PTPRR: variants seen among roughly 807,000 people sequenced by gnomAD.
PTPRR encodes the protein receptor-type tyrosine-protein phosphatase R.
A neutral mutation model predicts 77.2 loss-of-function variants in PTPRR; 38 were observed. The ratio of observed to expected loss-of-function variants is 0.49; its 90% CI spans 0.38 to 0.65. PTPRR has a LOEUF of 0.65. PTPRR is among the 30% of genes least tolerant of loss of function. PTPRR has a pLI of 0.00. For missense variants in PTPRR, 744 were observed against 799.2 expected (o/e 0.93, Z 0.83); for synonymous variants, 299 against 283.1 (o/e 1.06, Z -0.57).
chr12:70,734,932 C>T (rs1212144103), intron 6 of PTPRR, among the ~76,000 whole-genome samples: 1 of 152,186 alleles, frequency 6.6e-6, no homozygotes, highest in African/African-American at 2.4e-5. Context: ...TTTCACTTAA[C>T]AAGATTACAT....
At chr12:70,720,207 C>T (rs967248243) in intron 6 of PTPRR, among the ~76,000 whole-genome samples, 2 of 152,136 alleles carry the variant, frequency 1.3e-5, no homozygotes, top group African/African-American at 4.8e-5. Flanking sequence ...TAGAAACAAG[C>T]GTGAGATCTG....
At chr12:70,773,666 G>C (rs1026908256) in intron 2 of PTPRR, among the ~76,000 whole-genome samples, 3 of 152,136 alleles carry the variant, frequency 2.0e-5, no homozygotes, top group Non-Finnish European at 2.9e-5. Flanking sequence ...TTCTGTTCCA[G>C]GTTAATTTCT....
At chr12:70,842,525 G>A (rs1892414311) in intron 2 of PTPRR, among the ~76,000 whole-genome samples, 1 of 152,186 alleles carries the variant, frequency 6.6e-6, no homozygotes, top group African/African-American at 2.4e-5. Flanking sequence ...CCCCAAAAAT[G>A]GAGAATCTGT....
At chr12:70,871,756 T>G (rs539425501) in intron 2 of PTPRR, among the ~76,000 whole-genome samples, 1 of 152,356 alleles carries the variant, frequency 6.6e-6, no homozygotes, top group African/African-American at 2.4e-5. Context: ...AAGACTTTAA[T>G]CATCTCTGAT....
In PTPRR at chr12:70,815,074, C is replaced by T. The variant is rs75951952; in HGVS notation, c.358-50296G>A. On this transcript the variant is annotated intron_variant, in intron 2 of 13. Coordinates refer to ENST00000283228, the MANE Select transcript of PTPRR (RefSeq NM_002849.4). ...GGCATTAAAACAGTAATTACAACTA[C>T]GCTCCATACACTTAATAAGTAGAAG... is the stretch of plus-strand genomic sequence containing the variant. Among the ~76,000 whole-genome samples the T allele has an allele frequency of 4.0e-3, 593 of 148,484 alleles. 6 individuals are homozygous for T. Among genetic ancestry groups the T allele is most frequent in the African/African-American group, 0.014 (556 of 40,506 alleles).
At chr12:70,878,680 G>A (rs1477367683) in intron 2 of PTPRR, among the ~76,000 whole-genome samples, 1 of 152,172 alleles carries the variant, frequency 6.6e-6, no homozygotes, top group Non-Finnish European at 1.5e-5. Flanking sequence ...AACCACTGTG[G>A]AAGACAGTGT....
intron 6 of PTPRR, among the ~76,000 whole-genome samples, chr12:70,713,047 TTC>T (rs1009955312): frequency 6.6e-6 from 1 of 152,112 alleles, no homozygotes; most frequent in Non-Finnish European, 1.5e-5. Flanking sequence ...TACTCTGTAT[TTC>T]TCTCTCTCTC....
chr12:70,823,872 C>T (rs960839412), intron 2 of PTPRR, among the ~76,000 whole-genome samples: 57 of 152,142 alleles, frequency 3.7e-4, no homozygotes, highest in African/African-American at 1.2e-3. Context: ...ATGTGCTACT[C>T]GGCCTGTGGG....
intron 13 of PTPRR, among the ~76,000 whole-genome samples, chr12:70,651,769 G>A (rs1886403467): frequency 6.6e-6 from 1 of 152,078 alleles, no homozygotes; most frequent in Admixed American, 6.5e-5. Flanking sequence ...TTTTCTATAA[G>A]ATTGATAAAG....
intron 2 of PTPRR, among the ~76,000 whole-genome samples, chr12:70,843,610 C>T (rs1345138446): frequency 2.6e-5 from 4 of 151,990 alleles, no homozygotes; most frequent in Non-Finnish European, 4.4e-5. Context: ...GATTCTGCGC[C>T]GAGTAGTTGT....
chr12:70,779,114 C>T (rs1412239414), intron 2 of PTPRR, among the ~76,000 whole-genome samples: 2 of 152,036 alleles, frequency 1.3e-5, no homozygotes, highest in Non-Finnish European at 2.9e-5. Context: ...TCCCAAAGTG[C>T]TGGGTTTACA....
chr12:70,807,420 T>C (rs771916597), intron 2 of PTPRR, among the ~76,000 whole-genome samples: 2 of 152,194 alleles, frequency 1.3e-5, no homozygotes, highest in Non-Finnish European at 2.9e-5. Context: ...TGTCATACAA[T>C]AGATAGCTTG....
At chr12:70,736,492 C>T (rs1192958727) in intron 6 of PTPRR, among the ~76,000 whole-genome samples, 5 of 152,146 alleles carry the variant, frequency 3.3e-5, no homozygotes, top group Admixed American at 2.6e-4. Context: ...TGGAGCAATA[C>T]TGCTTGGGTT....
At chr12:70,713,902 G>C (rs1473124797) in intron 6 of PTPRR, among the ~76,000 whole-genome samples, 1 of 152,138 alleles carries the variant, frequency 6.6e-6, no homozygotes, top group African/African-American at 2.4e-5. Flanking sequence ...TGGTTTGCCT[G>C]GGTATTTGGT....
chr12:70,674,094 T>C (rs2136704615), intron 10 of PTPRR, among the ~76,000 whole-genome samples: 1 of 152,086 alleles, frequency 6.6e-6, no homozygotes, highest in South Asian at 2.1e-4. Flanking sequence ...CCACCACCCC[T>C]GGCTAATTTT....
intron 10 of PTPRR, among the ~76,000 whole-genome samples, chr12:70,664,843 A>G (rs964226344): frequency 1.3e-4 from 20 of 152,286 alleles, no homozygotes; most frequent in Non-Finnish European, 2.5e-4. Flanking sequence ...ATTTTTACAC[A>G]CTGAATACAT....
intron 10 of PTPRR, among the ~76,000 whole-genome samples, chr12:70,673,713 C>A (rs1223530642): frequency 6.6e-6 from 1 of 152,058 alleles, no homozygotes; most frequent in Non-Finnish European, 1.5e-5. Flanking sequence ...ACAATTTACT[C>A]AGAAAATTCA....
At chr12:70,742,418 G>T (rs547433853) in intron 6 of PTPRR, among the ~76,000 whole-genome samples, 1 of 152,152 alleles carries the variant, frequency 6.6e-6, no homozygotes, top group Non-Finnish European at 1.5e-5. Context: ...AAAAGGACAG[G>T]TTCTAGGCAA....
At chr12:70,891,664 A>G (rs1213286740) in intron 2 of PTPRR, among the ~76,000 whole-genome samples, 1 of 152,112 alleles carries the variant, frequency 6.6e-6, no homozygotes, top group Non-Finnish European at 1.5e-5. Flanking sequence ...TCCCAAGGGG[A>G]AACTAGATCA....
Sources: gnomAD v4.1 joint callset for allele counts (sites outside exome capture counted in the v4.1 genomes callset) on GRCh38, gnomAD v4.1.1 for gene constraint, MANE v1.5 for transcripts, NCBI Gene and HGNC (gene_info 2026-07-23, HGNC 2026-07-21) for gene names.